The following HPSE2 variants were observed in gnomAD, a reference collection of about 807,000 sequenced individuals.
HPSE2 encodes the protein inactive heparanase-2.
HPSE2 carries 38 observed loss-of-function variants against 60.5 expected under a neutral mutation model. That is an observed-to-expected ratio of 0.63 (90% CI 0.48 to 0.82). HPSE2 has a LOEUF of 0.82. Among genes scored for constraint, HPSE2 ranks in the 40% least tolerant of loss-of-function variants. HPSE2 has a pLI of 0.00. For synonymous variants in HPSE2, 295 were observed against 293.2 expected (o/e 1.01, Z -0.06); for missense variants, 713 against 740.4 (o/e 0.96, Z 0.43).
chr10:98,884,364 G>A (rs1165498901), intron 3 of HPSE2, among the ~76,000 whole-genome samples: 2 of 152,076 alleles, frequency 1.3e-5, no homozygotes, highest in African/African-American at 4.8e-5. Flanking sequence ...ACAGATTTTC[G>A]ACGTAGTTGA....
chr10:98,557,747 G>A (rs1263184149), intron 9 of HPSE2, among the ~76,000 whole-genome samples: 4 of 152,106 alleles, frequency 2.6e-5, no homozygotes, highest in Non-Finnish European at 5.9e-5. Context: ...TCAAGAGATC[G>A]AGACCAGCCT....
intron 2 of HPSE2, among the ~76,000 whole-genome samples, chr10:99,171,752 G>T (rs1847318596): frequency 6.6e-6 from 1 of 152,016 alleles, no homozygotes; most frequent in Non-Finnish European, 1.5e-5. Flanking sequence ...CCTTTTTGAT[G>T]AAGAAGCAGA....
chr10:98,524,525 T>C (rs1030450288), intron 9 of HPSE2, among the ~76,000 whole-genome samples: 1 of 152,256 alleles, frequency 6.6e-6, no homozygotes, highest in African/African-American at 2.4e-5. Context: ...ATATCCTTTC[T>C]TCCTCATGTT....
intron 3 of HPSE2, among the ~76,000 whole-genome samples, chr10:99,049,789 GAA>G: frequency 6.6e-6 from 1 of 152,108 alleles, no homozygotes; most frequent in Non-Finnish European, 1.5e-5. Context: ...ACAACATTTA[GAA>G]AAGTTTAAAA....
chr10:98,461,465 C>G lies in HPSE2; in HGVS notation c.1614-1726G>C, dbSNP rs186112143. 1.4e-3 allele frequency among the ~76,000 whole-genome samples: 206 copies of G among 152,310 alleles called. 1 individual carries two copies. Among genetic ancestry groups the G allele is most frequent in the African/African-American group, 4.7e-3 (195 of 41,564 alleles). The stretch of plus-strand genomic sequence containing the variant: ...TCAGATATGCAAGGAGCTTTTGCTT[C>G]CAAATATGAGAAGTGACCCTCTGTA... On this transcript the variant is annotated intron_variant, in intron 11 of 11. Transcript: ENST00000370552.
chr10:99,157,922 C>T (rs796143046), intron 2 of HPSE2, among the ~76,000 whole-genome samples: 1 of 104,666 alleles, frequency 9.6e-6, no homozygotes, highest in African/African-American at 2.7e-5. Context: ...AACAAACAAC[C>T]CCATCAAAAA....
At position 99,235,609 on chromosome 10, in the gene HPSE2, A is replaced by T; in HGVS notation, c.194T>A (p.Val65Glu). 1.2e-6 allele frequency: 2 copies of T among 1,614,098 alleles called. No homozygotes were observed. Among genetic ancestry groups the T allele is most frequent in the South Asian group, 2.2e-5 (2 of 91,078 alleles). ...LKEKTLILLDVSTKNPVRTVN... is the reference protein window; with the variant it reads ...LKEKTLILLDESTKNPVRTVN... ...TGTCCTGACTGGGTTCTTGGTGCTC[A>T]CATCAAGTAGAATCAGGGTCTTTTC... Residue 65 changes from valine (V) to glutamate (E), a missense_variant, in exon 1 of 12, where the codon GTG becomes GAG. Physicochemically the swap from Val to Glu is moderately radical, Grantham distance 121. Coordinates refer to ENST00000370552, the MANE Select transcript of HPSE2 (RefSeq NM_021828.5).
intron 3 of HPSE2, among the ~76,000 whole-genome samples, chr10:98,766,656 G>A (rs1950125109): frequency 6.6e-6 from 1 of 152,198 alleles, no homozygotes; most frequent in Non-Finnish European, 1.5e-5. Flanking sequence ...AGGGTGTGGT[G>A]ACGCATGCCT....
intron 11 of HPSE2, among the ~76,000 whole-genome samples, chr10:98,477,614 GTTTGC>G (rs980698901): frequency 3.3e-5 from 5 of 152,308 alleles, no homozygotes; most frequent in Non-Finnish European, 7.4e-5. Flanking sequence ...CCTGTTTTTG[GTTTGC>G]TTTTTCTCTG....
chr10:99,088,613 A>T (rs1192791535), intron 3 of HPSE2, among the ~76,000 whole-genome samples: 1 of 152,148 alleles, frequency 6.6e-6, no homozygotes, highest in Non-Finnish European at 1.5e-5. Flanking sequence ...ATTGATGGGC[A>T]TTTGGGCGGG....
intron 3 of HPSE2, among the ~76,000 whole-genome samples, chr10:98,778,110 G>A (rs1432625715): frequency 6.6e-6 from 1 of 152,044 alleles, no homozygotes; most frequent in Non-Finnish European, 1.5e-5. Context: ...GAAAGTTAGG[G>A]TCAGGTGTGT....
Position 98,533,541 on chromosome 10 carries a change from C to G in HPSE2, c.1321-43345G>C, listed in dbSNP as rs138876318. Among the ~76,000 whole-genome samples, 223 of 152,202 alleles carry G rather than the reference C, an allele frequency of 1.5e-3. 1 individual carries two copies. Among genetic ancestry groups the G allele is most frequent in the African/African-American group, 5.1e-3 (211 of 41,516 alleles). Reference sequence around the variant, plus strand: ...AATAGACCTGTATAGTTCCAAACACCAGTTAACTCTTTGATGAAATTAGGG... The same window carrying G: ...AATAGACCTGTATAGTTCCAAACACGAGTTAACTCTTTGATGAAATTAGGG... On this transcript the variant is annotated intron_variant, in intron 9 of 11. Coordinates refer to ENST00000370552, the MANE Select transcript of HPSE2 (RefSeq NM_021828.5).
chr10:98,975,729 G>C (rs1956068579), intron 3 of HPSE2, among the ~76,000 whole-genome samples: 2 of 152,190 alleles, frequency 1.3e-5, no homozygotes, highest in Non-Finnish European at 2.9e-5. Flanking sequence ...GTAGATGTAA[G>C]TGTAGATTAT....
At chr10:98,533,053 C>T (rs1017306867) in intron 9 of HPSE2, among the ~76,000 whole-genome samples, 3 of 152,184 alleles carry the variant, frequency 2.0e-5, no homozygotes, top group African/African-American at 7.2e-5. Context: ...TCAATCTTCT[C>T]AGTTGTAGAG....
intron 9 of HPSE2, among the ~76,000 whole-genome samples, chr10:98,556,847 CA>C (rs1944022069): frequency 5.9e-5 from 9 of 152,104 alleles, no homozygotes; most frequent in Admixed American, 5.9e-4. Context: ...CCAAAAATAT[CA>C]AAAGTAATCT....
chr10:99,193,625 A>G (rs1217900194), intron 2 of HPSE2, among the ~76,000 whole-genome samples: 1 of 152,174 alleles, frequency 6.6e-6, no homozygotes, highest in Non-Finnish European at 1.5e-5. Context: ...AACGAAGAGC[A>G]AGAGTAGCTA....
At chr10:98,542,900 C>T (rs1420304554) in intron 9 of HPSE2, among the ~76,000 whole-genome samples, 1 of 152,154 alleles carries the variant, frequency 6.6e-6, no homozygotes, top group Non-Finnish European at 1.5e-5. Flanking sequence ...TTGGAAAACA[C>T]TCTGCAGGAT....
chr10:98,476,265 T>C (rs1402359707), intron 11 of HPSE2, among the ~76,000 whole-genome samples: 4 of 137,418 alleles, frequency 2.9e-5, no homozygotes, highest in Non-Finnish European at 4.6e-5. Flanking sequence ...TAGATGGGAA[T>C]TGAACAATGA....
chr10:98,998,045 C>T (rs532299525), intron 3 of HPSE2, among the ~76,000 whole-genome samples: 1 of 152,332 alleles, frequency 6.6e-6, no homozygotes, highest in Non-Finnish European at 1.5e-5. Flanking sequence ...AAAAATGCTC[C>T]CACTAGCCAT....
Sources: gnomAD v4.1 joint callset for allele counts (sites outside exome capture counted in the v4.1 genomes callset) on GRCh38, gnomAD v4.1.1 for gene constraint, MANE v1.5 for transcripts, NCBI Gene and HGNC (gene_info 2026-07-23, HGNC 2026-07-21) for gene names.